SPATA6: variants seen among roughly 807,000 people sequenced by gnomAD.
SPATA6 encodes the protein spermatogenesis-associated protein 6.
SPATA6 carries 56 observed loss-of-function variants against 65.3 expected under a neutral mutation model. The ratio of observed to expected loss-of-function variants is 0.86; its 90% CI spans 0.69 to 1.07. SPATA6 has a LOEUF of 1.07. Among genes scored for constraint, SPATA6 ranks in the 50% least tolerant of loss-of-function variants. SPATA6 has a pLI of 0.00. For missense variants in SPATA6, 590 were observed against 594.8 expected (o/e 0.99, Z 0.08); for synonymous variants, 199 against 213.2 (o/e 0.93, Z 0.58).
At chr1:48,469,867 A>T (rs1487757103) in intron 1 of SPATA6, among the ~76,000 whole-genome samples, 1 of 151,876 alleles carries the variant, frequency 6.6e-6, no homozygotes, top group East Asian at 1.9e-4. Context: ...GAGCCATTTT[A>T]AAAGGCTTTT....
In SPATA6 at chr1:48,406,564, G is replaced by A. The variant is rs181241492; in HGVS notation, c.406-2682C>T. ...AATTTAATTAAGAGACATTTATTAA[G>A]TACCTACTCCAGGCAAGGTACTGTG... On this transcript the variant is annotated intron_variant, in intron 5 of 12. Coordinates refer to ENST00000371847, the MANE Select transcript of SPATA6 (RefSeq NM_019073.4). 3.3e-3 allele frequency among the ~76,000 whole-genome samples: 501 copies of A among 152,192 alleles called. 5 individuals are homozygous for A. Among genetic ancestry groups the A allele is most frequent in the Non-Finnish European group, 5.3e-3 (358 of 68,004 alleles).
intron 9 of SPATA6, among the ~76,000 whole-genome samples, chr1:48,372,139 T>C (rs1647348059): frequency 6.6e-6 from 1 of 152,122 alleles, no homozygotes; most frequent in Non-Finnish European, 1.5e-5. Context: ...AAGTCCGAAC[T>C]CATTTTAGCA....
chr1:48,365,183 G>A (rs1470664455), intron 9 of SPATA6, among the ~76,000 whole-genome samples: 1 of 152,174 alleles, frequency 6.6e-6, no homozygotes, highest in African/African-American at 2.4e-5. Flanking sequence ...ACAGTACCAT[G>A]CTGTTTTGGT....
intron 1 of SPATA6, among the ~76,000 whole-genome samples, chr1:48,467,472 T>C (rs1657898021): frequency 6.6e-6 from 1 of 152,092 alleles, no homozygotes; most frequent in Admixed American, 6.6e-5. Flanking sequence ...GAGCCAAGTA[T>C]GTTCAAAAGG....
At chr1:48,382,949 T>C (rs1570395008) in intron 9 of SPATA6, among the ~76,000 whole-genome samples, 4 of 122,140 alleles carry the variant, frequency 3.3e-5, no homozygotes, top group Admixed American at 8.2e-5. Context: ...GCTGGCCAGG[T>C]GGGGGGATGA....
chr1:48,400,651 A>T, intron 6 of SPATA6: 1 of 450,980 alleles, frequency 2.2e-6, no homozygotes, highest in Non-Finnish European at 3.5e-6. Context: ...AATAAAATAC[A>T]AATGTGAATA....
intron 10 of SPATA6, among the ~76,000 whole-genome samples, chr1:48,358,447 T>C (rs1450515992): frequency 6.6e-6 from 1 of 151,856 alleles, no homozygotes. Flanking sequence ...TCCAAGGAAA[T>C]ACAGATTTAA....
intron 3 of SPATA6, among the ~76,000 whole-genome samples, chr1:48,415,383 T>C (rs1025091216): frequency 6.6e-6 from 1 of 152,236 alleles, no homozygotes; most frequent in East Asian, 1.9e-4. Context: ...CCTCCCTTCA[T>C]AGCCTTTCCC....
At chr1:48,334,803 G>A (rs1447622117) in intron 11 of SPATA6, among the ~76,000 whole-genome samples, 1 of 152,142 alleles carries the variant, frequency 6.6e-6, no homozygotes, top group Non-Finnish European at 1.5e-5. Context: ...ACAAGAGAGA[G>A]AAGCAAAAGG....
In SPATA6 at chr1:48,411,488, G is replaced by A; in HGVS notation, c.381C>T (p.Thr127=). The change falls in exon 5 of 13, where the codon ACC becomes ACT. Residue 127 remains threonine, a synonymous_variant. Coordinates refer to ENST00000371847, the MANE Select transcript of SPATA6 (RefSeq NM_019073.4). ...SGHHDSNRQV[T]MRRISGLRGN... is the part of the protein sequence containing the mutation. ...CTCGAAGGCCAGAAATCCTCCTCAT[G>A]GTAACCTGGCGGTTTGAATCATGGT... The A allele has an allele frequency of 6.2e-7, 1 of 1,608,872 alleles. No homozygotes were observed. The highest frequency in any genetic ancestry group is 8.5e-7 in the Non-Finnish European group (1 of 1,177,920).
At chr1:48,423,564 C>CTTTTT (rs781669150) in intron 3 of SPATA6, among the ~76,000 whole-genome samples, 386 of 120,990 alleles carry the variant, frequency 3.2e-3, no homozygotes, top group African/African-American at 5.1e-3. Flanking sequence ...TTCTTTCTTT[C>CTTTTT]TTTTTTTTTT....
intron 10 of SPATA6, among the ~76,000 whole-genome samples, chr1:48,357,333 G>A (rs1014595364): frequency 2.6e-5 from 4 of 152,020 alleles, no homozygotes; most frequent in Admixed American, 6.6e-5. Context: ...ATTTTATGTT[G>A]TGCTAACTTT....
chr1:48,349,155 C>G (rs879659407), intron 11 of SPATA6, among the ~76,000 whole-genome samples: 6 of 151,868 alleles, frequency 4.0e-5, no homozygotes, highest in Non-Finnish European at 5.9e-5. Context: ...CATTTTAGTG[C>G]ACAATGATAA....
At chr1:48,299,020 A>C in intron 12 of SPATA6, 127 bp from the exon 13 acceptor site, 1 of 914,288 alleles carries the variant, frequency 1.1e-6, no homozygotes, top group East Asian at 2.7e-5. Context: ...TGAAAAATAA[A>C]ACAGAGTAAG....
downstream of SPATA6, among the ~76,000 whole-genome samples, chr1:48,294,958 C>A (rs1644791339): frequency 6.6e-6 from 1 of 152,142 alleles, no homozygotes; most frequent in Admixed American, 6.5e-5. Flanking sequence ...CATTTTCATA[C>A]CATGGAAGTT....
intron 1 of SPATA6, 142 bp downstream of exon 1, chr1:48,471,816 G>A: frequency 8.4e-6 from 8 of 951,144 alleles, no homozygotes; most frequent in Non-Finnish European, 1.3e-5. Flanking sequence ...AGATGGGGCA[G>A]GACCGAAGGG....
chr1:48,378,893 C>G (rs556106668), intron 9 of SPATA6, among the ~76,000 whole-genome samples: 1 of 152,130 alleles, frequency 6.6e-6, no homozygotes, highest in African/African-American at 2.4e-5. Context: ...CACACACATA[C>G]AATGGTATAC....
At chr1:48,276,442 A>T in the SPATA6 span, among the ~76,000 whole-genome samples, 115 of 152,204 alleles carry the variant, frequency 7.6e-4, 1 homozygote, top group East Asian at 0.013. Flanking sequence ...TCAACTTTAG[A>T]TCTTTCCCAC....
intron 3 of SPATA6, among the ~76,000 whole-genome samples, chr1:48,435,718 G>A (rs192484683): frequency 3.3e-5 from 5 of 151,886 alleles, no homozygotes; most frequent in South Asian, 4.2e-4. Flanking sequence ...CCAAGCCCAC[G>A]GCCCCGGTCG....
Sources: gnomAD v4.1 joint callset for allele counts (sites outside exome capture counted in the v4.1 genomes callset) on GRCh38, gnomAD v4.1.1 for gene constraint, MANE v1.5 for transcripts, NCBI Gene and HGNC (gene_info 2026-07-23, HGNC 2026-07-21) for gene names.